Variants in USO1 observed in about 807,000 individuals in gnomAD.
USO1 encodes the protein USO1 vesicle transport factor.
USO1 carries 57 observed loss-of-function variants against 124.5 expected under a neutral mutation model. The observed-to-expected ratio is 0.46, with a 90% confidence interval of 0.37 to 0.57. The LOEUF is 0.57. Ranked by LOEUF, USO1 falls within the 20% of genes least tolerant of loss-of-function variation. The probability of loss-of-function intolerance (pLI) is 0.00; values close to 1 mark genes in which losing one functional copy is unlikely to be tolerated. For synonymous variants in USO1, 369 were observed against 362.8 expected (o/e 1.02, Z -0.19); for missense variants, 900 against 1,040.6 (o/e 0.86, Z 1.86).
chr4:75,792,837 C>T (rs979271264), intron 12 of USO1, among the ~76,000 whole-genome samples: 4 of 152,134 alleles, frequency 2.6e-5, no homozygotes, highest in Non-Finnish European at 5.9e-5. Flanking sequence ...TTCCCACTAC[C>T]CTGCCCTGCC....
intron 4 of USO1, among the ~76,000 whole-genome samples, chr4:75,766,628 A>G (rs1338651177): frequency 2.6e-5 from 4 of 152,188 alleles, no homozygotes; most frequent in Non-Finnish European, 5.9e-5. Context: ...GATTTTGATG[A>G]TGGTGATGAT....
At chr4:75,807,549 C>G (rs1723032526) in intron 20 of USO1, among the ~76,000 whole-genome samples, 1 of 152,094 alleles carries the variant, frequency 6.6e-6, no homozygotes, top group Non-Finnish European at 1.5e-5. Context: ...CCATGTACCT[C>G]AGAGTAGATT....
intron 1 of USO1, among the ~76,000 whole-genome samples, chr4:75,740,697 A>G (rs1394869352): frequency 6.6e-6 from 1 of 152,248 alleles, no homozygotes; most frequent in African/African-American, 2.4e-5. Flanking sequence ...TGAATAGTCA[A>G]TCAGGTGGTA....
intron 1 of USO1, chr4:75,744,816 C>T (rs1363890570): frequency 2.7e-6 from 1 of 366,804 alleles, no homozygotes; most frequent in Non-Finnish European, 5.4e-6. Flanking sequence ...GTAAAAGGCC[C>T]CCATGAATGG....
chr4:75,786,939 C>A, intron 9 of USO1, 123 bp from the exon 10 acceptor site: 1 of 1,203,548 alleles, frequency 8.3e-7, no homozygotes, highest in Non-Finnish European at 1.1e-6. Context: ...GAAAGAGCAC[C>A]TAAATGTAGC....
At chr4:75,771,354 C>T (rs1721927571) in intron 7 of USO1, among the ~76,000 whole-genome samples, 1 of 152,128 alleles carries the variant, frequency 6.6e-6, no homozygotes. Context: ...CCTGTCTTGG[C>T]CTCCCAAGAT....
intron 5 of USO1, 65 bp from the exon 6 acceptor site, chr4:75,770,757 G>GA: frequency 6.4e-7 from 1 of 1,571,680 alleles, no homozygotes; most frequent in South Asian, 1.2e-5. Context: ...GTTATTAGTG[G>GA]AAAAAATGTT....
chr4:75,750,051 C>T (rs1721260241), intron 1 of USO1, among the ~76,000 whole-genome samples: 1 of 152,182 alleles, frequency 6.6e-6, no homozygotes, highest in Admixed American at 6.5e-5. Flanking sequence ...CCACGCCCGG[C>T]CTAAACTATG....
At chr4:75,750,851 C>T (rs1013188293) in intron 1 of USO1, among the ~76,000 whole-genome samples, 13 of 152,136 alleles carry the variant, frequency 8.5e-5, no homozygotes, top group Admixed American at 2.0e-4. Flanking sequence ...AGGATTTTCT[C>T]GTATGCTTTC....
chr4:75,738,071 G>T (rs1720847032), intron 1 of USO1, among the ~76,000 whole-genome samples: 2 of 151,798 alleles, frequency 1.3e-5, no homozygotes, highest in Admixed American at 1.3e-4. Context: ...CTGACCTTGT[G>T]ATCTGCCTGC....
intron 1 of USO1, among the ~76,000 whole-genome samples, chr4:75,735,163 GT>G (rs909085552): frequency 1.4e-4 from 22 of 152,192 alleles, no homozygotes; most frequent in African/African-American, 4.8e-4. Context: ...GTATTCCAAG[GT>G]TTTGGGGTGT....
chr4:75,741,636 G>A (rs550004457), intron 1 of USO1, among the ~76,000 whole-genome samples: 70 of 112,522 alleles, frequency 6.2e-4, no homozygotes, highest in African/African-American at 2.0e-3. Flanking sequence ...AGACAGTCTC[G>A]CTCTGTCAGC....
rs191000771 is a variant in USO1, at chr4:75,770,345, A to G, written c.296-94A>G. 62 of 1,222,168 alleles carry G rather than the reference A, an allele frequency of 5.1e-5. No individual in the cohort carries two copies. In the African/African-American group the frequency reaches 8.2e-4, roughly 16 times the overall value. 75.7% of individuals were successfully genotyped at this position (1,222,168 alleles called of 1,614,324 possible). ...CTGTTCCAGTGTTGAATTGTTTACC[A>G]GGAAAATTATCATTCACGCTTAACT... On this transcript the variant is annotated intron_variant, in intron 4 of 23. Transcript: ENST00000514213.
intron 10 of USO1, among the ~76,000 whole-genome samples, chr4:75,788,867 G>A (rs1384749588): frequency 6.6e-6 from 1 of 151,532 alleles, no homozygotes; most frequent in Non-Finnish European, 1.5e-5. Context: ...AAAAGAATAA[G>A]TAACGAGAAA....
At chr4:75,750,963 A>G (rs1721283323) in intron 1 of USO1, among the ~76,000 whole-genome samples, 1 of 152,062 alleles carries the variant, frequency 6.6e-6, no homozygotes, top group Non-Finnish European at 1.5e-5. Context: ...GTTTAAATTT[A>G]GTTTTATAAC....
At chr4:75,796,577 G>A (rs1031498973) in intron 13 of USO1, among the ~76,000 whole-genome samples, 3 of 151,926 alleles carry the variant, frequency 2.0e-5, no homozygotes, top group Non-Finnish European at 2.9e-5. Context: ...GATCGCAGGT[G>A]ATCCACCCAC....
In USO1 at chr4:75,774,919, T is replaced by C. The variant is rs761257916; in HGVS notation, c.676+123T>C. On this transcript the variant is annotated intron_variant, in intron 8 of 23. Transcript: ENST00000514213. ...TTTATACTCTTTGTTTTTCTTTCAC[T>C]ATGGCATGTTGACTATCGATTTCTC... is the stretch of plus-strand genomic sequence containing the variant. The C allele has an allele frequency of 3.6e-4, 486 of 1,350,274 alleles. 1 individual carries two copies. Among genetic ancestry groups the C allele is most frequent in the Middle Eastern group, 1.9e-4 (1 of 5,166 alleles). 83.6% of individuals were successfully genotyped at this position (1,350,274 alleles called of 1,614,324 possible). A position where few individuals can be genotyped will look rare whatever the true frequency, so the allele number is the denominator to read the frequency against.
chr4:75,745,365 G>C, intron 1 of USO1: 1 of 519,688 alleles, frequency 1.9e-6, no homozygotes, highest in Non-Finnish European at 3.9e-6. Context: ...AGTTGTGCAA[G>C]TGGAGCTATT....
chr4:75,732,246 G>A (rs1243899945), intron 1 of USO1, among the ~76,000 whole-genome samples: 2 of 152,088 alleles, frequency 1.3e-5, no homozygotes, highest in Admixed American at 1.3e-4. Context: ...ACTTGTAAGT[G>A]AGGAAATGCA....
Sources: gnomAD v4.1 joint callset for allele counts (sites outside exome capture counted in the v4.1 genomes callset) on GRCh38, gnomAD v4.1.1 for gene constraint, MANE v1.5 for transcripts, NCBI Gene and HGNC (gene_info 2026-07-23, HGNC 2026-07-21) for gene names.